The following TENM2 variants were observed in gnomAD, a reference collection of about 807,000 sequenced individuals.
TENM2 encodes the protein teneurin-2.
TENM2 carries 52 observed loss-of-function variants against 245.2 expected under a neutral mutation model. That is an observed-to-expected ratio of 0.21 (90% confidence interval 0.17 to 0.27). The LOEUF is 0.27. TENM2 is among the 10% of genes least tolerant of loss of function. TENM2 has a pLI of 1.00. For synonymous variants in TENM2, 1,363 were observed against 1,438.9 expected, an observed-to-expected ratio of 0.95 and a Z score of 1.19; for missense variants, 3,046 against 3,666.8, an observed-to-expected ratio of 0.83 and a Z score of 4.37.
chr5:167,095,022 A>G, the TENM2 span, among the ~76,000 whole-genome samples: 11 of 152,250 alleles, frequency 7.2e-5, no homozygotes, highest in South Asian at 8.3e-4. Flanking sequence ...ACAGGGGTGT[A>G]TGGTTAGAAA....
intron 2 of TENM2, among the ~76,000 whole-genome samples, chr5:167,535,305 G>A (rs1219234234): frequency 6.6e-6 from 1 of 151,830 alleles, no homozygotes; most frequent in African/African-American, 2.4e-5. Flanking sequence ...ATAAATACAA[G>A]GGTTGAGGGA....
intron 2 of TENM2, among the ~76,000 whole-genome samples, chr5:167,569,202 A>T (rs756219743): frequency 2.5e-4 from 37 of 146,640 alleles, no homozygotes; most frequent in Non-Finnish European, 4.0e-4. Context: ...AATTTTGATG[A>T]TTTTCGTGGA....
the TENM2 span, among the ~76,000 whole-genome samples, chr5:167,160,508 G>C: frequency 3.1e-4 from 47 of 152,354 alleles, no homozygotes; most frequent in South Asian, 9.7e-3. Flanking sequence ...ATGCAAGACC[G>C]CTTTGGCGGC....
chr5:167,982,363 C>G (rs969966851), intron 4 of TENM2, among the ~76,000 whole-genome samples: 1 of 152,194 alleles, frequency 6.6e-6, no homozygotes, highest in Non-Finnish European at 1.5e-5. Context: ...ATCCAAGCAT[C>G]TAGTACCATG....
chr5:166,985,455 C>G, the TENM2 span, among the ~76,000 whole-genome samples: 43 of 152,104 alleles, frequency 2.8e-4, no homozygotes, highest in African/African-American at 9.2e-4. Context: ...ACTGGCTTCT[C>G]TATATTTTAA....
In TENM2 at chr5:168,197,699, C is replaced by CAA. The variant is rs71593165; in HGVS notation, c.2901-1136_2901-1135dup. Among the ~76,000 whole-genome samples the CAA allele has an allele frequency of 4.8e-3, 404 of 83,616 alleles. 6 individuals carry two copies. Among genetic ancestry groups the CAA allele is most frequent in the African/African-American group, 0.011 (280 of 25,776 alleles). 54.9% of individuals were successfully genotyped at this position (83,616 alleles called of 152,430 possible). On this transcript the variant is annotated intron_variant, in intron 15 of 28. Transcript: ENST00000518659. The stretch of plus-strand genomic sequence containing the variant: ...TGGGCCCCAGAGCGAGACTCCATCC[C>CAA]AAAAAAAAAAAAAAAAAAAGATGAA...
the TENM2 span, among the ~76,000 whole-genome samples, chr5:167,108,968 C>G: frequency 1.3e-5 from 2 of 152,120 alleles, no homozygotes; most frequent in Non-Finnish European, 2.9e-5. Context: ...AACAGAATTA[C>G]AGAGATTGTT....
Position 168,070,004 on chromosome 5 carries a change from G to A in TENM2, c.1515+7739G>A, listed in dbSNP as rs553118654. Among the ~76,000 whole-genome samples the A allele has an allele frequency of 2.0e-5, 3 of 152,222 alleles. No homozygotes were observed. The East Asian group carries it at 5.8e-4, about 29-fold the overall frequency. Reference sequence around the variant, plus strand: ...TATAAAAAACGTAAAGAGAGATCCTGGGAAATTTGATGAAGATATCCCATC... The same window carrying A: ...TATAAAAAACGTAAAGAGAGATCCTAGGAAATTTGATGAAGATATCCCATC... On this transcript the variant is annotated intron_variant, in intron 7 of 28. Transcript: ENST00000518659.
chr5:167,755,836 G>A (rs981944406), intron 2 of TENM2, among the ~76,000 whole-genome samples: 2 of 152,182 alleles, frequency 1.3e-5, no homozygotes, highest in Non-Finnish European at 2.9e-5. Context: ...TCTGCTGCAG[G>A]TGGCTGGGTT....
At chr5:167,929,372 G>C (rs978280211) in intron 3 of TENM2, among the ~76,000 whole-genome samples, 5 of 152,102 alleles carry the variant, frequency 3.3e-5, no homozygotes, top group Admixed American at 3.3e-4. Flanking sequence ...CAATGAAATT[G>C]CCCTAGTCTA....
At chr5:167,750,687 C>T (rs4868805) in intron 2 of TENM2, among the ~76,000 whole-genome samples, 150,058 of 152,238 alleles carry the variant, frequency 0.99, 73,982 homozygotes, top group Middle Eastern at 1. Flanking sequence ...CAGTCTGCCA[C>T]TGATGTACAC....
intron 13 of TENM2, among the ~76,000 whole-genome samples, chr5:168,180,777 C>A (rs1759804036): frequency 6.6e-6 from 1 of 152,076 alleles, no homozygotes; most frequent in Admixed American, 6.5e-5. Flanking sequence ...TGGCGGGCGC[C>A]TGTAATGCCA....
At chr5:167,572,820 C>T (rs1037781359) in intron 2 of TENM2, among the ~76,000 whole-genome samples, 1 of 152,192 alleles carries the variant, frequency 6.6e-6, no homozygotes. Context: ...CAGTAAAAGT[C>T]TGTAGCAATA....
intron 25 of TENM2, among the ~76,000 whole-genome samples, chr5:168,241,518 C>T (rs1766101086): frequency 1.3e-5 from 2 of 151,660 alleles, no homozygotes; most frequent in Admixed American, 1.3e-4. Context: ...AATCTCAGCC[C>T]CCTAAAATGT....
At chr5:167,293,976 C>CTGTGTGTGTGTGTGTG (rs55869331) in intron 1 of TENM2, among the ~76,000 whole-genome samples, 6 of 148,650 alleles carry the variant, frequency 4.0e-5, no homozygotes, top group African/African-American at 1.5e-4. Flanking sequence ...GATGTGAGTT[C>CTGTGTGTGTGTGTGTG]TGTGTGTGTG....
At chr5:167,716,431 G>T (rs1759261718) in intron 2 of TENM2, among the ~76,000 whole-genome samples, 1 of 152,082 alleles carries the variant, frequency 6.6e-6, no homozygotes, top group African/African-American at 2.4e-5. Context: ...GTTTTCATCG[G>T]CAGTGGGTTC....
At chr5:167,908,506 T>C (rs995183448) in intron 3 of TENM2, among the ~76,000 whole-genome samples, 1 of 10,260 alleles carries the variant, frequency 9.7e-5, no homozygotes, top group Non-Finnish European at 1.8e-4. Flanking sequence ...CCCTCCCCTC[T>C]CCTCCCTTCC....
At chr5:167,713,192 T>C (rs1759024539) in intron 2 of TENM2, among the ~76,000 whole-genome samples, 1 of 152,006 alleles carries the variant, frequency 6.6e-6, no homozygotes, top group South Asian at 2.1e-4. Context: ...ATGAACTAAA[T>C]TCCTTGAGCC....
chr5:167,447,228 A>T (rs1331754622), intron 2 of TENM2, among the ~76,000 whole-genome samples: 1 of 152,226 alleles, frequency 6.6e-6, no homozygotes, highest in Non-Finnish European at 1.5e-5. Context: ...AGCAAATCCC[A>T]TTCTAAAGAT....
Sources: allele counts gnomAD v4.1 joint callset (sites outside exome capture counted in the v4.1 genomes callset), GRCh38; gene constraint gnomAD v4.1.1; transcripts MANE v1.5; gene names NCBI Gene and HGNC (gene_info 2026-07-23, HGNC 2026-07-21).